RBKS: variants seen among roughly 807,000 people sequenced by gnomAD.
The protein encoded by RBKS is ribokinase.
RBKS carries 33 observed loss-of-function variants against 33.9 expected under a neutral mutation model. The ratio of observed to expected loss-of-function variants is 0.97; its 90% CI spans 0.74 to 1.30. The LOEUF (loss-of-function observed/expected upper bound fraction) is 1.30, where lower values mean the gene tolerates loss of function less well. Among genes scored for constraint, RBKS ranks in the 50% most tolerant of loss-of-function variants. RBKS has a pLI of 0.00. For synonymous variants in RBKS, 125 were observed against 143.0 expected (o/e 0.87, Z 0.90); for missense variants, 361 against 392.6 (o/e 0.92, Z 0.68).
chr2:27,820,722 A>G (rs1165049954), intron 7 of RBKS, among the ~76,000 whole-genome samples: 1 of 151,698 alleles, frequency 6.6e-6, no homozygotes, highest in African/African-American at 2.4e-5. Context: ...AAGATTTACT[A>G]TTTTCAAAGG....
chr2:27,885,236 T>C (rs570450812), intron 1 of RBKS, among the ~76,000 whole-genome samples: 40 of 152,308 alleles, frequency 2.6e-4, no homozygotes, highest in African/African-American at 8.9e-4. Context: ...TTCTCTCCAC[T>C]TCACTGCTTT....
chr2:27,844,279 AAG>A (rs1491055872), intron 4 of RBKS, among the ~76,000 whole-genome samples: 20 of 151,198 alleles, frequency 1.3e-4, no homozygotes, highest in African/African-American at 3.9e-4. Flanking sequence ...AAAAAAAAAA[AAG>A]AAATGTGGCT....
chr2:27,832,916 G>A (rs1678451098), intron 5 of RBKS, 139 bp from the exon 6 acceptor site: 1 of 632,980 alleles, frequency 1.6e-6, no homozygotes, highest in Non-Finnish European at 2.8e-6. Context: ...TACGGATGTA[G>A]AGAAAAGTCT....
intron 7 of RBKS, among the ~76,000 whole-genome samples, chr2:27,823,171 T>A (rs936710381): frequency 6.6e-6 from 1 of 152,198 alleles, no homozygotes; most frequent in Non-Finnish European, 1.5e-5. Flanking sequence ...GAGATTCAGA[T>A]AACATATAGA....
chr2:27,781,675 C>G lies in RBKS; in HGVS notation c.909G>C (p.Gln303His), dbSNP rs374312868. ...RSNFIAAVSV[Q>H]AAGTQSSYPY... ...GGTAAGATGACTGTGTTCCTGCAGC[C>G]TGGACACTGACTGCTGCAATGAAAT... The change falls in exon 8 of 8, where the codon CAG (glutamine) becomes CAC (histidine). Residue 303 changes from glutamine to histidine, a missense_variant. Coordinates refer to ENST00000302188, the MANE Select transcript of RBKS (RefSeq NM_022128.3). The G allele has an allele frequency of 5.6e-6, 9 of 1,613,884 alleles. No homozygotes were observed. In the African/African-American group the frequency reaches 1.1e-4, roughly 19 times the overall value.
intron 6 of RBKS, among the ~76,000 whole-genome samples, chr2:27,829,101 C>T (rs568283548): frequency 2.0e-5 from 3 of 152,106 alleles, no homozygotes; most frequent in African/African-American, 7.2e-5. Context: ...CATTATGTTC[C>T]GCAGGCTGGT....
intron 7 of RBKS, among the ~76,000 whole-genome samples, chr2:27,799,284 T>C (rs943965514): frequency 6.6e-6 from 1 of 152,186 alleles, no homozygotes; most frequent in African/African-American, 2.4e-5. Flanking sequence ...GTCAGGCAGC[T>C]CTAACAGATT....
chr2:27,847,858 T>A (rs1338425984), intron 3 of RBKS, among the ~76,000 whole-genome samples, 176 bp downstream of exon 3: 1 of 152,228 alleles, frequency 6.6e-6, no homozygotes, highest in Non-Finnish European at 1.5e-5. Flanking sequence ...TCTGGAGGAA[T>A]GTACAGGGAA....
At chr2:27,876,390 C>T (rs1042400270) in intron 1 of RBKS, among the ~76,000 whole-genome samples, 1 of 152,142 alleles carries the variant, frequency 6.6e-6, no homozygotes, top group African/African-American at 2.4e-5. Flanking sequence ...AAAGACTCCA[C>T]CTATATGAGA....
At chr2:27,801,992 ATTTTT>A (rs1179237576) in intron 7 of RBKS, among the ~76,000 whole-genome samples, 13 of 42,680 alleles carry the variant, frequency 3.0e-4, no homozygotes, top group African/African-American at 5.3e-4. Context: ...ATATATATAT[ATTTTT>A]TTTTTTTTTT....
chr2:27,886,545 C>T (rs887138696), intron 1 of RBKS, among the ~76,000 whole-genome samples: 1 of 152,010 alleles, frequency 6.6e-6, no homozygotes, highest in African/African-American at 2.4e-5. Flanking sequence ...GCAATAAACA[C>T]TAGTCAGAGT....
At chr2:27,864,844 GGAA>G (rs1345968363) in intron 1 of RBKS, among the ~76,000 whole-genome samples, 1 of 152,134 alleles carries the variant, frequency 6.6e-6, no homozygotes, top group Non-Finnish European at 1.5e-5. Context: ...CTGGGGTGGG[GGAA>G]GAAGCAGCAT....
intron 7 of RBKS, chr2:27,782,594 G>T: frequency 2.2e-6 from 1 of 464,740 alleles, no homozygotes; most frequent in South Asian, 1.6e-5. Flanking sequence ...GTTTTTGGAA[G>T]ACCACAGAGG....
chr2:27,877,791 C>T (rs982051507), intron 1 of RBKS, among the ~76,000 whole-genome samples: 3 of 151,940 alleles, frequency 2.0e-5, no homozygotes, highest in Non-Finnish European at 2.9e-5. Context: ...TTTCTTTAAG[C>T]TTTTTCCTCT....
In RBKS at chr2:27,795,881, G is replaced by A. The variant is rs1018265037; in HGVS notation, c.796-14093C>T. On this transcript the variant is annotated intron_variant, in intron 7 of 7. Transcript: ENST00000302188. The surrounding 1 kb of genome is among the most constrained non-coding windows in gnomAD (Gnocchi z 4.1). ...CTGAACGTTTTCTGTACAAGCCTTC[G>A]CTCTGGGACAATCTGAACTCTCTTT... Among the ~76,000 whole-genome samples, 2 of 152,104 alleles carry A rather than the reference G, an allele frequency of 1.3e-5. No individual in the cohort carries two copies. Among genetic ancestry groups the A allele is most frequent in the African/African-American group, 2.4e-5 (1 of 41,418 alleles).
intron 7 of RBKS, among the ~76,000 whole-genome samples, chr2:27,796,055 C>A (rs1054839863): frequency 6.6e-6 from 1 of 152,188 alleles, no homozygotes; most frequent in Admixed American, 6.5e-5. Flanking sequence ...TGCTGAACTA[C>A]ACGTGACTTT....
At chr2:27,790,739 T>A (rs1412288410) in intron 7 of RBKS, among the ~76,000 whole-genome samples, 4 of 152,198 alleles carry the variant, frequency 2.6e-5, no homozygotes, top group African/African-American at 7.2e-5. Context: ...ATATACCTAG[T>A]ACAAAGACTA....
intron 5 of RBKS, among the ~76,000 whole-genome samples, chr2:27,835,247 G>T (rs1678495012): frequency 6.8e-6 from 1 of 147,768 alleles, no homozygotes; most frequent in Non-Finnish European, 1.5e-5. Flanking sequence ...TTGCACTCCA[G>T]CCTGGGCAAC....
At chr2:27,877,069 C>T (rs1008798577) in intron 1 of RBKS, among the ~76,000 whole-genome samples, 2 of 152,104 alleles carry the variant, frequency 1.3e-5, no homozygotes, top group African/African-American at 4.8e-5. Flanking sequence ...ATCCTGGCTC[C>T]AATCTTAATT....
Sources: gnomAD v4.1 joint callset for allele counts (sites outside exome capture counted in the v4.1 genomes callset) on GRCh38, gnomAD v4.1.1 for gene constraint, Gnocchi (gnomAD v3.1) non-coding constraint, MANE v1.5 for transcripts, NCBI Gene and HGNC (gene_info 2026-07-23, HGNC 2026-07-21) for gene names.